ROBO1: variants seen among roughly 807,000 people sequenced by gnomAD.
The protein encoded by ROBO1 is roundabout homolog 1.
ROBO1 carries 149 observed loss-of-function variants against 195.9 expected under a neutral mutation model. The ratio of observed to expected loss-of-function variants is 0.76; its 90% CI spans 0.67 to 0.87. The LOEUF is 0.87. Among genes scored for constraint, ROBO1 ranks in the 40% least tolerant of loss-of-function variants. The pLI is 0.00. For synonymous variants in ROBO1, 816 were observed against 733.2 expected (o/e 1.11, Z -1.82); for missense variants, 1,933 against 2,068.3 (o/e 0.93, Z 1.27).
chr3:79,246,495 G>A (rs2082626309), intron 2 of ROBO1, among the ~76,000 whole-genome samples: 1 of 152,064 alleles, frequency 6.6e-6, no homozygotes, highest in South Asian at 2.1e-4. Context: ...ATCCTGGTTG[G>A]AAAGCCTGCT....
intron 4 of ROBO1, among the ~76,000 whole-genome samples, chr3:78,931,090 C>T (rs140091659): frequency 5.5e-4 from 84 of 152,092 alleles, no homozygotes; most frequent in African/African-American, 1.9e-3. Context: ...TTTTGGTCAC[C>T]ATTGACTAGC....
At chr3:79,546,280 G>A (rs372836993) in intron 2 of ROBO1, among the ~76,000 whole-genome samples, 5 of 152,022 alleles carry the variant, frequency 3.3e-5, no homozygotes, top group Admixed American at 6.6e-5. Context: ...TCACATGATC[G>A]GTAAGGCTTC....
intron 2 of ROBO1, among the ~76,000 whole-genome samples, chr3:79,381,577 C>T (rs1257195594): frequency 2.6e-5 from 4 of 151,820 alleles, no homozygotes; most frequent in Admixed American, 2.0e-4. Flanking sequence ...GAGCTGCCAC[C>T]TCCTATATGA....
intron 3 of ROBO1, among the ~76,000 whole-genome samples, chr3:79,073,942 A>G (rs2079129396): frequency 6.6e-6 from 1 of 151,080 alleles, no homozygotes; most frequent in Non-Finnish European, 1.5e-5. Context: ...AGCAATAAAC[A>G]TGAAAGATAA....
chr3:79,219,538 A>T (rs1487765998), intron 2 of ROBO1, among the ~76,000 whole-genome samples: 1 of 152,026 alleles, frequency 6.6e-6, no homozygotes, highest in African/African-American at 2.4e-5. Flanking sequence ...CCTGGGATTC[A>T]AAAGGGCTAA....
chr3:79,322,265 T>C (rs1166423253), intron 2 of ROBO1, among the ~76,000 whole-genome samples: 1 of 152,022 alleles, frequency 6.6e-6, no homozygotes, highest in East Asian at 1.9e-4. Flanking sequence ...AACATTCAGG[T>C]TAAAGGAGGG....
chr3:78,873,382 T>C (rs998602131), intron 4 of ROBO1, among the ~76,000 whole-genome samples: 6 of 152,166 alleles, frequency 3.9e-5, no homozygotes, highest in Non-Finnish European at 4.4e-5. Context: ...CTGTTAGATC[T>C]CACTTCTGGA....
chr3:78,860,139 GTAGATAGATAGA>G (rs766675007), intron 4 of ROBO1, among the ~76,000 whole-genome samples: 2,933 of 141,984 alleles, frequency 0.021, 40 homozygotes, highest in Non-Finnish European at 0.028. Context: ...AGGTAGATAG[GTAGATAGATAGA>G]TAGATAGATA....
chr3:79,665,185 T>C (rs1157207529), intron 1 of ROBO1, among the ~76,000 whole-genome samples: 1 of 151,954 alleles, frequency 6.6e-6, no homozygotes, highest in Non-Finnish European at 1.5e-5. Flanking sequence ...ATTTTACATA[T>C]TTTTGAAATG....
At chr3:78,991,929 T>C (rs1366160150) in intron 3 of ROBO1, among the ~76,000 whole-genome samples, 4 of 152,032 alleles carry the variant, frequency 2.6e-5, no homozygotes, top group Non-Finnish European at 5.9e-5. Context: ...TAGGAAGATA[T>C]TCTATCTACA....
intron 1 of ROBO1, among the ~76,000 whole-genome samples, chr3:79,709,691 G>A (rs75061171): frequency 1.3e-5 from 2 of 151,718 alleles, no homozygotes; most frequent in Admixed American, 6.6e-5. Flanking sequence ...TGCTCTCAAT[G>A]TTTGTGTCCC....
chr3:78,810,272 C>T (rs1267327537), intron 4 of ROBO1, among the ~76,000 whole-genome samples: 1 of 152,114 alleles, frequency 6.6e-6, no homozygotes, highest in Non-Finnish European at 1.5e-5. Context: ...TGGTTCACTC[C>T]AAATCAACTG....
At chr3:79,703,605 T>C (rs915424856) in intron 1 of ROBO1, among the ~76,000 whole-genome samples, 5 of 151,942 alleles carry the variant, frequency 3.3e-5, no homozygotes, top group African/African-American at 1.2e-4. Flanking sequence ...TGTACTCTAT[T>C]AATGCCATGT....
intron 3 of ROBO1, among the ~76,000 whole-genome samples, chr3:79,110,349 G>A (rs1028715960): frequency 6.6e-6 from 1 of 151,936 alleles, no homozygotes; most frequent in Non-Finnish European, 1.5e-5. Context: ...TTTCTGTGTG[G>A]CCTCTTGTTA....
At position 78,628,507 on chromosome 3, in the gene ROBO1, T is replaced by G. The variant is rs1456502635; in HGVS notation, c.3627-938A>C. On this transcript the variant is annotated intron_variant, in intron 25 of 30. Transcript: ENST00000464233. ...ATGGATCTGGGGAACATTCATGCCTTTCTCTTTTCTCTTATCCCAGGGCGT... is the reference window on the plus strand; with the variant it reads ...ATGGATCTGGGGAACATTCATGCCTGTCTCTTTTCTCTTATCCCAGGGCGT... Among the ~76,000 whole-genome samples the G allele has an allele frequency of 2.6e-5, 4 of 152,096 alleles. No homozygotes were observed. In the East Asian group the frequency reaches 7.8e-4, roughly 29 times the overall value.
intron 4 of ROBO1, among the ~76,000 whole-genome samples, chr3:78,814,620 G>A (rs545260417): frequency 6.6e-6 from 1 of 152,102 alleles, no homozygotes; most frequent in South Asian, 2.1e-4. Flanking sequence ...TTGCAGGCCA[G>A]CCCGCTCATA....
At chr3:79,548,393 A>G (rs1473226799) in intron 2 of ROBO1, among the ~76,000 whole-genome samples, 2 of 152,206 alleles carry the variant, frequency 1.3e-5, no homozygotes, top group African/African-American at 4.8e-5. Context: ...CATGCTAGAG[A>G]ATGCATAAAT....
At chr3:78,748,450 TAAATAA>T (rs2082711206) in intron 4 of ROBO1, among the ~76,000 whole-genome samples, 1 of 151,354 alleles carries the variant, frequency 6.6e-6, no homozygotes, top group East Asian at 1.9e-4. Flanking sequence ...AATAAATAAA[TAAATAA>T]ATAAATAAAT....
intron 3 of ROBO1, among the ~76,000 whole-genome samples, chr3:78,963,502 T>G (rs2041498544): frequency 3.4e-5 from 4 of 119,260 alleles, no homozygotes; most frequent in African/African-American, 3.2e-5. Context: ...CAGTTTTTTT[T>G]TTTTTTTTTT....
Sources: allele counts gnomAD v4.1 joint callset (sites outside exome capture counted in the v4.1 genomes callset), GRCh38; gene constraint gnomAD v4.1.1; transcripts MANE v1.5; gene names NCBI Gene and HGNC (gene_info 2026-07-23, HGNC 2026-07-21).